Variants in CDK14 observed in about 807,000 individuals in gnomAD.
CDK14 encodes cyclin dependent kinase 14.
CDK14 carries 34 observed loss-of-function variants against 60.7 expected under a neutral mutation model. The observed-to-expected ratio is 0.56, with a 90% CI of 0.43 to 0.75. The LOEUF is 0.75. CDK14 is among the 30% of genes least tolerant of loss of function. CDK14 has a pLI of 0.00. For synonymous variants in CDK14, 197 were observed against 203.7 expected, an observed-to-expected ratio of 0.97 and a Z score of 0.28; for missense variants, 482 against 564.1, an observed-to-expected ratio of 0.85 and a Z score of 1.47.
At chr7:91,009,241 A>C (rs1796083322) in intron 10 of CDK14, among the ~76,000 whole-genome samples, 1 of 152,064 alleles carries the variant, frequency 6.6e-6, no homozygotes, top group Admixed American at 6.5e-5. Context: ...CATTGTATAG[A>C]TATTTCACAC....
intron 8 of CDK14, among the ~76,000 whole-genome samples, chr7:90,931,312 A>G (rs17398872): frequency 0.028 from 4,305 of 152,334 alleles, 113 homozygotes; most frequent in South Asian, 0.11. Context: ...CTAAAGGGCT[A>G]TCTGTAAATT....
chr7:90,766,994 A>G (rs1804591081), intron 4 of CDK14, among the ~76,000 whole-genome samples: 1 of 151,470 alleles, frequency 6.6e-6, no homozygotes, highest in Non-Finnish European at 1.5e-5. Context: ...ATGTCGAGCC[A>G]TGTAGTACCC....
chr7:91,074,469 A>G (rs1394935134), intron 11 of CDK14, among the ~76,000 whole-genome samples: 1 of 152,234 alleles, frequency 6.6e-6, no homozygotes, highest in Non-Finnish European at 1.5e-5. Context: ...CAAAGAGACA[A>G]TGTACCAGAA....
At chr7:91,058,202 C>T (rs1454871481) in intron 11 of CDK14, among the ~76,000 whole-genome samples, 1 of 152,022 alleles carries the variant, frequency 6.6e-6, no homozygotes, top group Non-Finnish European at 1.5e-5. Flanking sequence ...ATTTGGCTTT[C>T]TGTTTGTCTG....
At chr7:90,786,611 C>T (rs1805592345) in intron 4 of CDK14, among the ~76,000 whole-genome samples, 1 of 152,014 alleles carries the variant, frequency 6.6e-6, no homozygotes. Context: ...TCAAATATTT[C>T]AGGTCATATT....
At chr7:90,719,499 A>T (rs183671029) in intron 2 of CDK14, among the ~76,000 whole-genome samples, 1 of 152,198 alleles carries the variant, frequency 6.6e-6, no homozygotes, top group Non-Finnish European at 1.5e-5. Flanking sequence ...TGGATTTTAC[A>T]TAGCTCTAAG....
chr7:90,955,546 C>T, intron 8 of CDK14, 151 bp from the exon 9 acceptor site: 1 of 729,866 alleles, frequency 1.4e-6, no homozygotes, highest in Middle Eastern at 3.0e-4. Flanking sequence ...CCACAATATG[C>T]TTTCCCCAGT....
chr7:91,117,999 TAAAAAAAAAA>T, intron 13 of CDK14, 56 bp from the exon 14 acceptor site: 1 of 851,492 alleles, frequency 1.2e-6, no homozygotes, highest in African/African-American at 1.7e-5. Flanking sequence ...TCCATTTTTT[TAAAAAAAAAA>T]CATGATTATA....
intron 2 of CDK14, among the ~76,000 whole-genome samples, chr7:90,607,683 A>T (rs1365086417): frequency 1.3e-5 from 2 of 152,174 alleles, no homozygotes; most frequent in African/African-American, 4.8e-5. Context: ...GAAGTTAAGT[A>T]TTGAGGGCTT....
At chr7:90,917,576 T>C in intron 7 of CDK14, 25 bp from the exon 8 acceptor site, 1 of 1,609,416 alleles carries the variant, frequency 6.2e-7, no homozygotes, top group South Asian at 1.1e-5. Flanking sequence ...GTTCTGATTT[T>C]AACCTTTGTC....
chr7:91,089,988 A>C (rs552631482), intron 12 of CDK14, among the ~76,000 whole-genome samples: 1 of 152,270 alleles, frequency 6.6e-6, no homozygotes, highest in African/African-American at 2.4e-5. Context: ...CTATCTTAGA[A>C]TTCTGCTGTC....
At chr7:91,121,635 TTG>T (rs1799785137) in intron 14 of CDK14, among the ~76,000 whole-genome samples, 1 of 152,330 alleles carries the variant, frequency 6.6e-6, no homozygotes, top group African/African-American at 2.4e-5. Context: ...TTTCAGAGTC[TTG>T]TAACCAAATT....
intron 14 of CDK14, among the ~76,000 whole-genome samples, chr7:91,181,643 AGGCTTGGTTCTTTCTCTT>A (rs916287958): frequency 6.6e-6 from 1 of 152,180 alleles, no homozygotes; most frequent in Non-Finnish European, 1.5e-5. Context: ...GACAAGATGA[AGGCTTGGTTCTTTCTCTT>A]TTCAAAATAA....
At chr7:90,750,644 G>A (rs951969718) in intron 4 of CDK14, among the ~76,000 whole-genome samples, 4 of 152,172 alleles carry the variant, frequency 2.6e-5, no homozygotes, top group Non-Finnish European at 5.9e-5. Flanking sequence ...AGGCCAAGGC[G>A]AGCGGATCAT....
At chr7:90,961,254 A>G (rs1794596230) in intron 9 of CDK14, among the ~76,000 whole-genome samples, 1 of 152,194 alleles carries the variant, frequency 6.6e-6, no homozygotes, top group Admixed American at 6.5e-5. Context: ...TAACTAAAAT[A>G]TAGTGGGTGT....
chr7:90,799,874 G>T (rs533556968), intron 5 of CDK14, among the ~76,000 whole-genome samples: 1 of 152,182 alleles, frequency 6.6e-6, no homozygotes, highest in South Asian at 2.1e-4. Flanking sequence ...TAGGGATTTT[G>T]AGGGGGGACA....
intron 2 of CDK14, among the ~76,000 whole-genome samples, chr7:90,692,018 C>T (rs561550527): frequency 6.6e-6 from 1 of 152,162 alleles, no homozygotes; most frequent in African/African-American, 2.4e-5. Flanking sequence ...GCATTTTCTA[C>T]ATACATAAGT....
intron 10 of CDK14, among the ~76,000 whole-genome samples, chr7:91,039,340 G>A (rs961378046): frequency 2.6e-5 from 4 of 152,124 alleles, no homozygotes; most frequent in Non-Finnish European, 5.9e-5. Context: ...TCTACACATA[G>A]GAAAGGGGTG....
chr7:90,596,788 G>A, intron 1 of CDK14, 70 bp downstream of exon 1: 1 of 1,319,558 alleles, frequency 7.6e-7, no homozygotes, highest in Non-Finnish European at 1.1e-6. Flanking sequence ...CCGCGTTCCT[G>A]GCACCAGCCA....
Sources: gnomAD v4.1 joint callset for allele counts (sites outside exome capture counted in the v4.1 genomes callset) on GRCh38, gnomAD v4.1.1 for gene constraint, MANE v1.5 for transcripts, NCBI Gene and HGNC (gene_info 2026-07-23, HGNC 2026-07-21) for gene names.